Variants in MYO16 observed in about 807,000 individuals in gnomAD.
MYO16 encodes myosin XVI.
In MYO16, 94 loss-of-function variants were observed where a neutral mutation model predicts 205.3. That is an observed-to-expected ratio of 0.46 (90% CI 0.39 to 0.54). The LOEUF (loss-of-function observed/expected upper bound fraction) is 0.54, where lower values mean the gene tolerates loss of function less well. Among genes scored for constraint, MYO16 ranks in the 20% least tolerant of loss-of-function variants. MYO16 has a pLI of 0.00. For missense variants in MYO16, 2,315 were observed against 2,387.5 expected, an observed-to-expected ratio of 0.97 and a Z score of 0.63; for synonymous variants, 988 against 954.0, an observed-to-expected ratio of 1.04 and a Z score of -0.66.
chr13:108,763,678 G>A (rs1885684976), intron 4 of MYO16, among the ~76,000 whole-genome samples: 1 of 152,100 alleles, frequency 6.6e-6, no homozygotes. Context: ...GTGTGAGAGG[G>A]CCACGAGTTC....
intron 4 of MYO16, among the ~76,000 whole-genome samples, chr13:108,768,874 A>G (rs714612): frequency 6.6e-6 from 1 of 151,516 alleles, no homozygotes; most frequent in Non-Finnish European, 1.5e-5. Flanking sequence ...AATAGCCAAA[A>G]CCCTTGAACA....
chr13:108,785,578 A>G (rs1385022982), intron 4 of MYO16, 57 bp from the exon 5 acceptor site: 1 of 1,045,596 alleles, frequency 9.6e-7, no homozygotes, highest in African/African-American at 1.6e-5. Context: ...TACAACTCCT[A>G]ATCTGCTTTT....
intron 1 of MYO16, among the ~76,000 whole-genome samples, chr13:108,618,216 C>T (rs777697299): frequency 1.3e-5 from 2 of 152,188 alleles, no homozygotes; most frequent in Non-Finnish European, 2.9e-5. Flanking sequence ...GCTATCCACT[C>T]CCCATCTGCT....
intron 2 of MYO16, among the ~76,000 whole-genome samples, chr13:108,667,624 AG>A (rs1881799170): frequency 1.3e-5 from 2 of 152,220 alleles, no homozygotes; most frequent in Non-Finnish European, 2.9e-5. Context: ...ACCTTCCAGC[AG>A]CATTGAGCAA....
At chr13:108,887,750 A>G (rs1879970042) in intron 13 of MYO16, among the ~76,000 whole-genome samples, 1 of 152,238 alleles carries the variant, frequency 6.6e-6, no homozygotes, top group Non-Finnish European at 1.5e-5. Flanking sequence ...GCGGAATGAC[A>G]GATCCACATC....
At chr13:109,042,686 A>G (rs1339594398) in intron 23 of MYO16, among the ~76,000 whole-genome samples, 2 of 152,184 alleles carry the variant, frequency 1.3e-5, no homozygotes, top group Non-Finnish European at 2.9e-5. Flanking sequence ...CTGGTCATCT[A>G]TATCTTATGA....
chr13:108,501,423 T>C, the MYO16 span, among the ~76,000 whole-genome samples: 23,428 of 152,162 alleles, frequency 0.15, 2,049 homozygotes, highest in Non-Finnish European at 0.2. Context: ...CTCTCTCTCA[T>C]CTGCTTCTCC....
Position 109,079,016 on chromosome 13 carries a change from A to G in MYO16, c.3336-21769A>G, listed in dbSNP as rs189151177. 6.6e-5 allele frequency among the ~76,000 whole-genome samples: 10 copies of G among 151,414 alleles called. No homozygotes were observed. In the East Asian group the frequency reaches 1.9e-3, roughly 29 times the overall value. Reference sequence around the variant, plus strand: ...CCTCTGAAAATCTCCAGAAATTCCTATCTGTGCAGCTGTCTCCTTTTTGAT... The same window carrying G: ...CCTCTGAAAATCTCCAGAAATTCCTGTCTGTGCAGCTGTCTCCTTTTTGAT... On this transcript the variant is annotated intron_variant, in intron 27 of 34. Transcript: ENST00000457511.
At chr13:108,672,681 A>G (rs1005845164) in intron 2 of MYO16, among the ~76,000 whole-genome samples, 4 of 152,136 alleles carry the variant, frequency 2.6e-5, no homozygotes, top group African/African-American at 4.8e-5. Context: ...TTTTCCCTCT[A>G]AAAGGAAAAC....
chr13:108,806,102 C>A (rs187089580), intron 6 of MYO16, among the ~76,000 whole-genome samples: 1 of 151,896 alleles, frequency 6.6e-6, no homozygotes, highest in Non-Finnish European at 1.5e-5. Context: ...CAGAGAGAGA[C>A]CCTGTCTCAA....
the MYO16 span, among the ~76,000 whole-genome samples, chr13:108,553,354 C>G: frequency 2.6e-5 from 4 of 152,104 alleles, no homozygotes; most frequent in Non-Finnish European, 4.4e-5. Context: ...ACATTCAAAC[C>G]AAAGCAGCAT....
chr13:108,674,116 A>G (rs1926496), intron 2 of MYO16, among the ~76,000 whole-genome samples: 49,114 of 152,042 alleles, frequency 0.32, 8,261 homozygotes, highest in African/African-American at 0.41. Context: ...TTAGAAGTTC[A>G]TAGGTAAATC....
At chr13:108,951,959 C>T (rs1240632747) in intron 16 of MYO16, among the ~76,000 whole-genome samples, 5 of 151,860 alleles carry the variant, frequency 3.3e-5, no homozygotes, top group Non-Finnish European at 5.9e-5. Context: ...CACAAAAATT[C>T]GCCAGACGTG....
At chr13:108,583,549 A>C in the MYO16 span, among the ~76,000 whole-genome samples, 1 of 152,206 alleles carries the variant, frequency 6.6e-6, no homozygotes, top group Non-Finnish European at 1.5e-5. Flanking sequence ...ATCCAGTGAT[A>C]TACTATTTTT....
chr13:108,594,835 A>G (rs1024812923), upstream of MYO16, among the ~76,000 whole-genome samples: 5 of 152,134 alleles, frequency 3.3e-5, no homozygotes, highest in African/African-American at 1.2e-4. Context: ...CATTTGTTGG[A>G]TCTCTGCATT....
intron 20 of MYO16, among the ~76,000 whole-genome samples, chr13:108,979,723 C>T (rs1884389514): frequency 6.6e-6 from 1 of 152,042 alleles, no homozygotes; most frequent in Non-Finnish European, 1.5e-5. Context: ...GAGCTAAAAA[C>T]CTTTTCTCTG....
At chr13:109,193,127 CT>C (rs1241465149) in intron 34 of MYO16, among the ~76,000 whole-genome samples, 2 of 152,022 alleles carry the variant, frequency 1.3e-5, no homozygotes, top group African/African-American at 4.8e-5. Flanking sequence ...CTCCCTCTCT[CT>C]TTCTCTCTCT....
At chr13:109,174,212 CA>C (rs1450517722) in intron 33 of MYO16, among the ~76,000 whole-genome samples, 1 of 152,044 alleles carries the variant, frequency 6.6e-6, no homozygotes, top group Non-Finnish European at 1.5e-5. Context: ...GGGCAATTCC[CA>C]AAGGAGGTTA....
At chr13:108,865,007 G>A (rs937377157) in intron 11 of MYO16, among the ~76,000 whole-genome samples, 1 of 152,030 alleles carries the variant, frequency 6.6e-6, no homozygotes, top group African/African-American at 2.4e-5. Flanking sequence ...TAAAAAAAGG[G>A]AAAGCATTTA....
Sources: gnomAD v4.1 joint callset for allele counts (sites outside exome capture counted in the v4.1 genomes callset) on GRCh38, gnomAD v4.1.1 for gene constraint, MANE v1.5 for transcripts, NCBI Gene and HGNC (gene_info 2026-07-23, HGNC 2026-07-21) for gene names.